Variants in MIER3 observed in about 807,000 individuals in gnomAD.
The protein encoded by MIER3 is MIER family member 3, also known as mesoderm induction early response protein 3.
MIER3 carries 9 observed loss-of-function variants against 63.2 expected under a neutral mutation model. The observed-to-expected ratio is 0.14, with a 90% CI of 0.09 to 0.25. MIER3 has a LOEUF of 0.25. Among genes scored for constraint, MIER3 ranks in the 10% least tolerant of loss-of-function variants. MIER3 has a pLI of 1.00. For synonymous variants in MIER3, 205 were observed against 224.9 expected, an observed-to-expected ratio of 0.91 and a Z score of 0.79; for missense variants, 512 against 666.2, an observed-to-expected ratio of 0.77 and a Z score of 2.55.
chr5:56,947,770 T>C (rs1169674663), intron 2 of MIER3, among the ~76,000 whole-genome samples: 1 of 152,134 alleles, frequency 6.6e-6, no homozygotes, highest in Non-Finnish European at 1.5e-5. Flanking sequence ...GAAAATCACA[T>C]CTGAAGGTTT....
At chr5:56,931,172 G>A (rs1750253531) in intron 8 of MIER3, among the ~76,000 whole-genome samples, 1 of 152,150 alleles carries the variant, frequency 6.6e-6, no homozygotes, top group Admixed American at 6.5e-5. Context: ...TGGAATAATA[G>A]GCATGGCACT....
intron 4 of MIER3, among the ~76,000 whole-genome samples, chr5:56,938,023 A>G (rs1750512630): frequency 6.6e-6 from 1 of 152,174 alleles, no homozygotes; most frequent in African/African-American, 2.4e-5. Flanking sequence ...AGTGGTTAAC[A>G]ATTATATTCA....
chr5:56,923,056 G>T lies in MIER3; in HGVS notation c.*72C>A. 5.4e-6 allele frequency: 7 copies of T among 1,307,322 alleles called. No homozygotes were observed. The South Asian group carries it at 9.3e-5, about 17-fold the overall frequency. The allele number at this position is 1,307,322 out of a possible 1,614,324, so 81.0% of individuals were successfully genotyped here. ...AGAAAGGTTCAAACTTCCAGTGAAA[G>T]ACTATGCAAACCTGATAGCTCCCCT... is the stretch of plus-strand genomic sequence containing the variant. On this transcript the variant is annotated 3_prime_UTR_variant, in exon 13 of 13. Coordinates refer to ENST00000381199, the MANE Select transcript of MIER3 (RefSeq NM_001297599.2).
chr5:56,948,783 G>A (rs943038556), intron 2 of MIER3, among the ~76,000 whole-genome samples: 1 of 152,222 alleles, frequency 6.6e-6, no homozygotes, highest in African/African-American at 2.4e-5. Context: ...GTATGCCAAA[G>A]AGGCAGAAAT....
intron 8 of MIER3, among the ~76,000 whole-genome samples, chr5:56,932,168 AAG>A (rs1750291669): frequency 6.6e-6 from 1 of 152,072 alleles, no homozygotes; most frequent in Non-Finnish European, 1.5e-5. Context: ...GCTGAGGCAG[AAG>A]AAGTGCTTGA....
Position 56,923,045 on chromosome 5 carries a change from T to G in MIER3, c.*83A>C, listed in dbSNP as rs1749748015. 8.7e-7 allele frequency: 1 copy of G among 1,155,628 alleles called. No individual in the cohort carries two copies. Among genetic ancestry groups the G allele is most frequent in the Non-Finnish European group, 1.2e-6 (1 of 808,154 alleles). 71.6% of individuals were successfully genotyped at this position (1,155,628 alleles called of 1,614,324 possible). A position where few individuals can be genotyped will look rare whatever the true frequency, so the allele number is the denominator to read the frequency against. On this transcript the variant is annotated 3_prime_UTR_variant, in exon 13 of 13. Coordinates refer to ENST00000381199, the MANE Select transcript of MIER3 (RefSeq NM_001297599.2). ...ATGTCATAGTGAGAAAGGTTCAAAC[T>G]TCCAGTGAAAGACTATGCAAACCTG...
intron 8 of MIER3, among the ~76,000 whole-genome samples, chr5:56,932,228 C>A (rs868587777): frequency 1.3e-5 from 2 of 151,878 alleles, no homozygotes; most frequent in Middle Eastern, 3.2e-3. Flanking sequence ...CCACTGCACT[C>A]CAGCCTGGGT....
chr5:56,944,875 T>C (rs1344399523), intron 3 of MIER3, among the ~76,000 whole-genome samples: 1 of 151,522 alleles, frequency 6.6e-6, no homozygotes, highest in African/African-American at 2.4e-5. Context: ...TTAAATTTTT[T>C]TGGTAGAAAC....
intron 3 of MIER3, among the ~76,000 whole-genome samples, chr5:56,941,880 T>G (rs570664039): frequency 6.6e-6 from 1 of 152,232 alleles, no homozygotes; most frequent in East Asian, 1.9e-4. Flanking sequence ...AGACATATTC[T>G]GAGGTGGAAC....
At chr5:56,945,713 C>A (rs1319993223) in intron 3 of MIER3, among the ~76,000 whole-genome samples, 1 of 152,134 alleles carries the variant, frequency 6.6e-6, no homozygotes, top group Non-Finnish European at 1.5e-5. Context: ...TTACAGTCAA[C>A]ACACAACTGA....
In MIER3 at chr5:56,920,960, C is replaced by T. The variant is rs925119520; in HGVS notation, c.*2168G>A. ...GCTGGAATTTATTTTTCTCTCATAC[C>T]ATTTTCTGGATTTTGGTCAAAAATC... is the stretch of plus-strand genomic sequence containing the variant. On this transcript the variant is annotated 3_prime_UTR_variant, in exon 13 of 13. Transcript: ENST00000381199. The T allele has an allele frequency of 7.9e-5, 12 of 152,462 alleles. No individual in the cohort carries two copies. The highest frequency in any genetic ancestry group is 2.7e-4 in the African/African-American group (11 of 41,422). The allele number at this position is 152,462 out of a possible 1,614,324, so 9.4% of individuals were successfully genotyped here.
intron 3 of MIER3, among the ~76,000 whole-genome samples, chr5:56,941,907 C>T (rs913516597): frequency 2.6e-5 from 4 of 151,794 alleles, no homozygotes; most frequent in Non-Finnish European, 5.9e-5. Flanking sequence ...GGTCACTGGA[C>T]GTGGGAGGGA....
rs1020004656 is a variant in MIER3, at chr5:56,923,299, A to G, written c.1482T>C (p.Asn494=). The G allele has an allele frequency of 6.2e-7, 1 of 1,614,178 alleles. No individual in the cohort carries two copies. Among genetic ancestry groups the G allele is most frequent in the Non-Finnish European group, 8.5e-7 (1 of 1,180,030 alleles). ...CACCCAGGTTATTTACAGAAACTTC[A>G]TTCATAAAGGATTCAGGGACGGCAA... is the stretch of plus-strand genomic sequence containing the variant. ...MGIAVPESFM[N]EVSVNNLGVD... is the part of the protein sequence containing the mutation. Residue 494 remains asparagine (N), a synonymous_variant, in exon 13 of 13, where the codon AAT becomes AAC. Coordinates refer to ENST00000381199, the MANE Select transcript of MIER3 (RefSeq NM_001297599.2).
At chr5:56,938,417 C>T (rs958868000) in intron 4 of MIER3, 11 of 469,092 alleles carry the variant, frequency 2.3e-5, no homozygotes, top group South Asian at 9.3e-5. Context: ...AGGGACTAGG[C>T]CTCCCCACAA....
chr5:56,925,557 G>C (rs1304159523), intron 10 of MIER3: 1 of 212,302 alleles, frequency 4.7e-6, no homozygotes, highest in Non-Finnish European at 9.7e-6. Context: ...CAAAATATAT[G>C]CAAAATCTGT....
chr5:56,933,302 C>A lies in MIER3; in HGVS notation c.692G>T (p.Ser231Ile). ...YLVETSLRTGSEKIMDRISAG... is the reference protein window; with the variant it reads ...YLVETSLRTGIEKIMDRISAG... ...AGAAATCCTATCCATTATTTTTTCA[C>A]TGCCAGTCCTTAATGAAGTCTCAAC... Residue 231 changes from serine (S) to isoleucine (I), a missense_variant, in exon 8 of 13, where the codon AGT (serine) becomes ATT (isoleucine). By Grantham distance (142) the Ser-to-Ile change is moderately radical (BLOSUM62 -2). Coordinates refer to ENST00000381199, the MANE Select transcript of MIER3 (RefSeq NM_001297599.2). The A allele has an allele frequency of 6.2e-7, 1 of 1,613,098 alleles. No homozygotes were observed. The highest frequency in any genetic ancestry group is 8.5e-7 in the Non-Finnish European group (1 of 1,179,564).
rs1749683008 is a variant in MIER3 at position 56,921,722 on chromosome 5, A to G, written c.*1406T>C. The G allele has an allele frequency of 6.6e-6, 1 of 152,642 alleles. No homozygotes were observed. Among genetic ancestry groups the G allele is most frequent in the Non-Finnish European group, 1.5e-5 (1 of 68,040 alleles). 9.5% of individuals were successfully genotyped at this position (152,642 alleles called of 1,614,324 possible). A position where few individuals can be genotyped will look rare whatever the true frequency, so the allele number is the denominator to read the frequency against. On this transcript the variant is annotated 3_prime_UTR_variant, in exon 13 of 13. Coordinates refer to ENST00000381199, the MANE Select transcript of MIER3 (RefSeq NM_001297599.2). ...ACAAATATTAGCAATGCAGCCAAAC[A>G]TTTGTTTTTTGCAAAGCAACTAGTA...
At chr5:56,923,866 T>C (rs1749816701) in intron 11 of MIER3, 33 bp from the exon 12 acceptor site, 4 of 1,614,070 alleles carry the variant, frequency 2.5e-6, no homozygotes, top group Non-Finnish European at 3.4e-6. Flanking sequence ...TTTATGACTA[T>C]ATATTACAGT....
rs747531163 is a variant in MIER3 at position 56,919,805 on chromosome 5, G to A, written c.*3323C>T. On this transcript the variant is annotated 3_prime_UTR_variant, in exon 13 of 13. Transcript: ENST00000381199. ...ACTCACAGGGTACTTATTTCAAACT[G>A]GGACAATTGGAATCACTGGTCATCT... is the stretch of plus-strand genomic sequence containing the variant. 2 of 152,490 alleles carry A rather than the reference G, an allele frequency of 1.3e-5. No homozygotes were observed. Among genetic ancestry groups the A allele is most frequent in the Non-Finnish European group, 2.9e-5 (2 of 67,996 alleles). 9.4% of individuals were successfully genotyped at this position (152,490 alleles called of 1,614,324 possible). A position where few individuals can be genotyped will look rare whatever the true frequency, so the allele number is the denominator to read the frequency against.
Sources: gnomAD v4.1 joint callset for allele counts (sites outside exome capture counted in the v4.1 genomes callset) on GRCh38, gnomAD v4.1.1 for gene constraint, MANE v1.5 for transcripts, NCBI Gene and HGNC (gene_info 2026-07-23, HGNC 2026-07-21) for gene names.